The following CPM variants were observed in gnomAD, a reference collection of about 807,000 sequenced individuals.
CPM encodes carboxypeptidase M.
CPM carries 35 observed loss-of-function variants against 46.4 expected under a neutral mutation model. The ratio of observed to expected loss-of-function variants is 0.75; its 90% confidence interval spans 0.58 to 1.00. The LOEUF is 1.00. Among genes scored for constraint, CPM ranks in the 50% least tolerant of loss-of-function variants. The pLI is 0.00. For missense variants in CPM, 422 were observed against 530.4 expected, an observed-to-expected ratio of 0.80 and a Z score of 2.01; for synonymous variants, 195 against 195.3, an observed-to-expected ratio of 1.00 and a Z score of 0.01.
intron 2 of CPM, among the ~76,000 whole-genome samples, chr12:68,923,029 G>T (rs549573071): frequency 6.6e-6 from 1 of 152,220 alleles, no homozygotes; most frequent in African/African-American, 2.4e-5. Context: ...CTGGGTTCAA[G>T]TGATTCTCCT....
chr12:68,929,579 A>C (rs1888418406), intron 2 of CPM, among the ~76,000 whole-genome samples: 1 of 152,204 alleles, frequency 6.6e-6, no homozygotes, highest in Non-Finnish European at 1.5e-5. Flanking sequence ...CTATGGCTGA[A>C]GCTGGGTATA....
At chr12:68,876,669 T>A (rs1288000848) in intron 3 of CPM, among the ~76,000 whole-genome samples, 1 of 152,046 alleles carries the variant, frequency 6.6e-6, no homozygotes, top group Non-Finnish European at 1.5e-5. Context: ...TCTCACTCCA[T>A]CTCCTTCATC....
chr12:68,847,647 G>A (rs967095274), downstream of CPM: 3 of 151,410 alleles, frequency 2.0e-5, no homozygotes, highest in African/African-American at 7.3e-5. Flanking sequence ...TAGAGACGGG[G>A]TTTCACCGTG....
At chr12:68,933,591 C>T (rs1054951853), upstream of CPM, among the ~76,000 whole-genome samples, 2 of 152,074 alleles carry the variant, frequency 1.3e-5, no homozygotes, top group Non-Finnish European at 2.9e-5. Flanking sequence ...CCGGGGCCCA[C>T]CTGGAGCCGG....
At chr12:68,960,809 T>C (rs1006518714) in intron 1 of CPM, among the ~76,000 whole-genome samples, 1 of 152,150 alleles carries the variant, frequency 6.6e-6, no homozygotes, top group Non-Finnish European at 1.5e-5. Context: ...AAGCCCTCAT[T>C]TGAGACCTTT....
At position 68,911,018 on chromosome 12, in the gene CPM, A is replaced by AT. The variant is rs553520949; in HGVS notation, c.160+21659dup. On this transcript the variant is annotated intron_variant, in intron 2 of 8. Coordinates refer to ENST00000551568, the MANE Select transcript of CPM (RefSeq NM_198320.5). Reference sequence around the variant, plus strand: ...TCTGTTCATTCACATTGTCGAGTATATAACTATAAGCTAATTAAAGTGAAG... The same window carrying AT: ...TCTGTTCATTCACATTGTCGAGTATATTAACTATAAGCTAATTAAAGTGAAG... 2.1e-4 allele frequency among the ~76,000 whole-genome samples: 32 copies of AT among 152,348 alleles called. No individual in the cohort carries two copies. The East Asian group carries it at 5.8e-3, about 28-fold the overall frequency.
intron 2 of CPM, among the ~76,000 whole-genome samples, chr12:68,891,827 C>T (rs1210246681): frequency 6.6e-6 from 1 of 152,106 alleles, no homozygotes. Flanking sequence ...GCCTCCACTT[C>T]CTGGGTTCAA....
rs1884937054 is a variant in CPM, at chr12:68,855,742, T to TC, written c.*694_*695insG. On this transcript the variant is annotated 3_prime_UTR_variant, in exon 9 of 9. Transcript: ENST00000551568. ...GGTGTTTTTTTTGTTTGTTTGTTTT[T>TC]GTTTTTTTTTTTTTGAGACAGAGTC... The TC allele has an allele frequency of 1.4e-5, 2 of 144,616 alleles. No homozygotes were observed. Among genetic ancestry groups the TC allele is most frequent in the African/African-American group, 5.8e-5 (2 of 34,474 alleles). The allele number at this position is 144,616 out of a possible 1,614,324, so 9.0% of individuals were successfully genotyped here.
At chr12:68,847,480 G>A (rs1178131738), downstream of CPM, 9 of 73,906 alleles carry the variant, frequency 1.2e-4, no homozygotes, top group African/African-American at 7.3e-4. Flanking sequence ...TTGAGACGGA[G>A]TCCCGCTGTT....
intron 1 of CPM, among the ~76,000 whole-genome samples, chr12:68,953,320 A>C (rs1260009290): frequency 1.3e-5 from 2 of 151,916 alleles, no homozygotes; most frequent in African/African-American, 4.8e-5. Flanking sequence ...TTACAGCAGC[A>C]GTTCTTTCAT....
chr12:68,899,750 G>A (rs998526292), intron 2 of CPM, among the ~76,000 whole-genome samples: 6 of 152,190 alleles, frequency 3.9e-5, no homozygotes, highest in Non-Finnish European at 7.3e-5. Flanking sequence ...GGAACTACTG[G>A]AGAACTTTAA....
At chr12:68,883,933 TAA>T (rs34696352) in intron 3 of CPM, among the ~76,000 whole-genome samples, 1,911 of 136,612 alleles carry the variant, frequency 0.014, 15 homozygotes, top group African/African-American at 0.022. Context: ...CCATCTCTAC[TAA>T]AAAAAAAAAA....
intron 3 of CPM, among the ~76,000 whole-genome samples, chr12:68,884,472 T>C (rs1001579383): frequency 6.6e-6 from 1 of 151,988 alleles, no homozygotes; most frequent in Non-Finnish European, 1.5e-5. Flanking sequence ...CCATGAAGGG[T>C]AGATCCAGTT....
intron 2 of CPM, among the ~76,000 whole-genome samples, chr12:68,904,491 G>T (rs981861354): frequency 6.6e-5 from 10 of 152,208 alleles, no homozygotes; most frequent in Non-Finnish European, 1.2e-4. Context: ...GAGTCAAATG[G>T]TTGGGCTTCA....
In CPM at chr12:68,870,964, C is replaced by G. The variant is rs184483358; in HGVS notation, c.432-565G>C. Among the ~76,000 whole-genome samples the G allele has an allele frequency of 2.9e-3, 444 of 152,328 alleles. 1 individual carries two copies. Among genetic ancestry groups the G allele is most frequent in the South Asian group, 0.014 (68 of 4,830 alleles). On this transcript the variant is annotated intron_variant, in intron 4 of 8. Coordinates refer to ENST00000551568, the MANE Select transcript of CPM (RefSeq NM_198320.5). The stretch of plus-strand genomic sequence containing the variant: ...ACAGAAGTACTTGTGAAACGTGGAA[C>G]AGCCATGTTTAAATATATTTGAAAA...
At chr12:68,953,427 C>CT (rs1466093477) in intron 1 of CPM, among the ~76,000 whole-genome samples, 5 of 152,206 alleles carry the variant, frequency 3.3e-5, no homozygotes, top group African/African-American at 1.2e-4. Context: ...CTTCAATAAT[C>CT]TTTTCTGACA....
At chr12:68,932,922 G>T (rs573305450) in intron 1 of CPM, 82 bp from the exon 2 acceptor site, 47 of 1,296,706 alleles carry the variant, frequency 3.6e-5, no homozygotes, top group Non-Finnish European at 5.1e-5. Context: ...CGGTACTCCG[G>T]TCTCAGGGTC....
rs1357820788 is a variant in CPM, at chr12:68,871,860, T to G, written c.355A>C (p.Ile119Leu). 8 of 1,614,168 alleles carry G rather than the reference T, an allele frequency of 5.0e-6. No individual in the cohort carries two copies. Among genetic ancestry groups the G allele is most frequent in the South Asian group, 1.1e-5 (1 of 91,078 alleles). Residue 119 changes from isoleucine to leucine, a missense_variant, in exon 4 of 9, where the codon ATA (isoleucine) becomes CTA (leucine). Physicochemically the swap from Ile to Leu is conservative, Grantham distance 5 (BLOSUM62 2). Transcript: ENST00000551568. The stretch of plus-strand genomic sequence containing the variant: ...GGGTTCATGGAAGGCATGATGTGTA[T>G]CCGGGTACTATTGATCAGATTTGTG... ...EITNLINSTR[I>L]HIMPSMNPDG...
intron 8 of CPM, among the ~76,000 whole-genome samples, chr12:68,856,984 G>A (rs185209619): frequency 6.6e-6 from 1 of 152,232 alleles, no homozygotes; most frequent in Admixed American, 6.5e-5. Context: ...CATCCTTTTC[G>A]TGGGGCAGAA....
Sources: gnomAD v4.1 joint callset for allele counts (sites outside exome capture counted in the v4.1 genomes callset) on GRCh38, gnomAD v4.1.1 for gene constraint, MANE v1.5 for transcripts, NCBI Gene and HGNC (gene_info 2026-07-23, HGNC 2026-07-21) for gene names.